COL24A1: variants seen among roughly 807,000 people sequenced by gnomAD.
COL24A1 encodes collagen alpha-1(XXIV) chain.
A neutral mutation model predicts 253.9 loss-of-function variants in COL24A1; 224 were observed. That is an observed-to-expected ratio of 0.88 (90% CI 0.79 to 0.99). The LOEUF is 0.99. COL24A1 is among the 50% of genes least tolerant of loss of function. The pLI is 0.00. For synonymous variants in COL24A1, 685 were observed against 673.7 expected (o/e 1.02, Z -0.26); for missense variants, 2,131 against 2,068.5 (o/e 1.03, Z -0.59).
chr1:86,142,202 C>G (rs1651205452), intron 2 of COL24A1, among the ~76,000 whole-genome samples: 1 of 151,464 alleles, frequency 6.6e-6, no homozygotes, highest in Admixed American at 6.6e-5. Context: ...AAAAAAAAGA[C>G]TAGTCTCAGT....
intron 20 of COL24A1, among the ~76,000 whole-genome samples, chr1:85,976,554 A>G (rs748108897): frequency 2.6e-5 from 4 of 152,122 alleles, no homozygotes; most frequent in Non-Finnish European, 4.4e-5. Context: ...CTACCCGCCT[A>G]GTAGCCAATC....
intron 22 of COL24A1, among the ~76,000 whole-genome samples, chr1:85,969,170 T>A (rs1691866491): frequency 6.6e-6 from 1 of 152,164 alleles, no homozygotes; most frequent in Admixed American, 6.5e-5. Context: ...CAAATACCAG[T>A]TTTTCTGTTA....
chr1:86,088,948 G>A (rs1703276798), intron 7 of COL24A1, among the ~76,000 whole-genome samples: 1 of 151,840 alleles, frequency 6.6e-6, no homozygotes, highest in Non-Finnish European at 1.5e-5. Flanking sequence ...TGCCTTTTGT[G>A]GGCACCAGTT....
intron 47 of COL24A1, among the ~76,000 whole-genome samples, chr1:85,807,716 GT>G (rs1300564037): frequency 3.3e-5 from 5 of 152,146 alleles, no homozygotes; most frequent in Non-Finnish European, 7.3e-5. Flanking sequence ...TGAGAAGGAG[GT>G]AGGTTCTCTT....
chr1:86,046,627 T>C (rs535227313), intron 12 of COL24A1, among the ~76,000 whole-genome samples, 198 bp downstream of exon 12: 13 of 152,202 alleles, frequency 8.5e-5, no homozygotes, highest in Non-Finnish European at 1.8e-4. Context: ...GTGTTCAAAG[T>C]TCAGTTATTT....
At chr1:85,763,842 T>C (rs1351056884) in intron 53 of COL24A1, among the ~76,000 whole-genome samples, 1 of 152,166 alleles carries the variant, frequency 6.6e-6, no homozygotes, top group Non-Finnish European at 1.5e-5. Context: ...TGAATGGTTA[T>C]GGTGGTTATT....
intron 59 of COL24A1, among the ~76,000 whole-genome samples, chr1:85,734,488 A>G (rs908462172): frequency 1.3e-5 from 2 of 152,192 alleles, no homozygotes; most frequent in Non-Finnish European, 2.9e-5. Flanking sequence ...TCATATAGGG[A>G]ATAAAAATTA....
chr1:85,871,647 C>T (rs995839211), intron 35 of COL24A1, among the ~76,000 whole-genome samples: 3 of 152,166 alleles, frequency 2.0e-5, no homozygotes, highest in Non-Finnish European at 2.9e-5. Context: ...AATTCAACAG[C>T]CCTTCATGCT....
At chr1:85,906,281 A>ATTTTTTTTTTTTT (rs1684824687) in intron 28 of COL24A1, among the ~76,000 whole-genome samples, 1 of 4,950 alleles carries the variant, frequency 2.0e-4, no homozygotes. Context: ...TTTTTTTACC[A>ATTTTTTTTTTTTT]TGGTTAGGTA....
At chr1:85,804,170 A>G (rs544878165) in intron 47 of COL24A1, among the ~76,000 whole-genome samples, 1 of 152,358 alleles carries the variant, frequency 6.6e-6, no homozygotes, top group East Asian at 1.9e-4. Context: ...ATAAAGACTA[A>G]AAGTGAAAAA....
chr1:85,754,534 T>TAA (rs1287086723), intron 55 of COL24A1, among the ~76,000 whole-genome samples: 2 of 27,328 alleles, frequency 7.3e-5, no homozygotes, highest in African/African-American at 1.4e-4. Context: ...ACTTAGAGTA[T>TAA]AATAAAAAAA....
intron 47 of COL24A1, among the ~76,000 whole-genome samples, chr1:85,813,842 C>T (rs1029005971): frequency 3.3e-5 from 5 of 152,160 alleles, no homozygotes; most frequent in South Asian, 2.1e-4. Context: ...TGAGCCACCG[C>T]GCCCGGCCTC....
chr1:86,072,979 A>G (rs1701980646), intron 7 of COL24A1, among the ~76,000 whole-genome samples: 1 of 152,192 alleles, frequency 6.6e-6, no homozygotes, highest in South Asian at 2.1e-4. Flanking sequence ...AAGGTCACCA[A>G]CATCAAAGAC....
chr1:86,111,976 A>T (rs1705660143), intron 5 of COL24A1, among the ~76,000 whole-genome samples: 1 of 152,304 alleles, frequency 6.6e-6, no homozygotes, highest in African/African-American at 2.4e-5. Flanking sequence ...CATCTTTAAG[A>T]ACTGTAACAC....
chr1:85,881,098 T>C (rs1431139009), intron 32 of COL24A1, among the ~76,000 whole-genome samples: 1 of 152,258 alleles, frequency 6.6e-6, no homozygotes, highest in Non-Finnish European at 1.5e-5. Context: ...TGGAACAGCT[T>C]GTACATAATT....
intron 8 of COL24A1, 99 bp downstream of exon 8, chr1:86,063,616 A>C (rs1701265650): frequency 2.5e-6 from 2 of 792,024 alleles, no homozygotes; most frequent in African/African-American, 3.5e-5. Context: ...ATCACTGAGA[A>C]GAAAAATTGA....
At chr1:85,995,562 C>T (rs943007591) in intron 19 of COL24A1, among the ~76,000 whole-genome samples, 7 of 152,074 alleles carry the variant, frequency 4.6e-5, no homozygotes, top group Admixed American at 6.5e-5. Context: ...AAAAGCAGAT[C>T]CCCCCATGGT....
intron 43 of COL24A1, among the ~76,000 whole-genome samples, chr1:85,833,781 C>T (rs2102159234): frequency 6.6e-6 from 1 of 152,194 alleles, no homozygotes; most frequent in East Asian, 1.9e-4. Flanking sequence ...GAATACTATG[C>T]AGCCATAAAA....
intron 28 of COL24A1, among the ~76,000 whole-genome samples, chr1:85,903,336 A>T (rs1428055714): frequency 6.6e-6 from 1 of 152,226 alleles, no homozygotes; most frequent in Non-Finnish European, 1.5e-5. Flanking sequence ...TAAGCTAATT[A>T]ACTGAAAGCT....
Sources: gnomAD v4.1 joint callset for allele counts (sites outside exome capture counted in the v4.1 genomes callset) on GRCh38, gnomAD v4.1.1 for gene constraint, MANE v1.5 for transcripts, NCBI Gene and HGNC (gene_info 2026-07-23, HGNC 2026-07-21) for gene names.